The following MTCL2 variants were observed in gnomAD, a reference collection of about 807,000 sequenced individuals.
MTCL2 encodes microtubule crosslinking factor 2.
the MTCL2 span, among the ~76,000 whole-genome samples, chr20:36,806,341 C>T: frequency 1.3e-5 from 2 of 152,138 alleles, no homozygotes; most frequent in African/African-American, 4.8e-5. Context: ...GGAAATAAGA[C>T]AAAAGGGAGC....
the MTCL2 span, among the ~76,000 whole-genome samples, chr20:36,802,700 T>G: frequency 1.3e-5 from 2 of 152,196 alleles, no homozygotes; most frequent in African/African-American, 4.8e-5. Context: ...ATTCTCTAAG[T>G]GCCTGGATCC....
chr20:36,846,324 C>A, the MTCL2 span, among the ~76,000 whole-genome samples: 1 of 152,172 alleles, frequency 6.6e-6, no homozygotes, highest in Non-Finnish European at 1.5e-5. Flanking sequence ...GGGCCCCTGA[C>A]CCTCAGCCCC....
the MTCL2 span, among the ~76,000 whole-genome samples, chr20:36,821,725 G>T: frequency 6.6e-6 from 1 of 151,722 alleles, no homozygotes; most frequent in African/African-American, 2.4e-5. Flanking sequence ...CTCCAAAAAA[G>T]AAAAAAAGCA....
the MTCL2 span, chr20:36,785,710 C>T: frequency 9.1e-6 from 9 of 985,466 alleles, no homozygotes; most frequent in African/African-American, 1.7e-5. Context: ...CTATTTCTGT[C>T]CTCAAGGGGT....
the MTCL2 span, among the ~76,000 whole-genome samples, chr20:36,816,702 T>C: frequency 6.6e-6 from 1 of 152,166 alleles, no homozygotes; most frequent in Non-Finnish European, 1.5e-5. Context: ...TTGCTGCATA[T>C]AGTACTTCAT....
At chr20:36,803,128 A>T in the MTCL2 span, 1 of 1,575,826 alleles carries the variant, frequency 6.3e-7, no homozygotes, top group Non-Finnish European at 8.6e-7. Flanking sequence ...AAGCAGACTA[A>T]GCAGCTGGCA....
chr20:36,849,348 C>T, the MTCL2 span, among the ~76,000 whole-genome samples: 5 of 151,864 alleles, frequency 3.3e-5, no homozygotes, highest in African/African-American at 7.3e-5. Flanking sequence ...TGTGAGCCAC[C>T]GCACCCAGCC....
chr20:36,787,224 CTTTT>C, the MTCL2 span, among the ~76,000 whole-genome samples: 1 of 151,838 alleles, frequency 6.6e-6, no homozygotes, highest in African/African-American at 2.4e-5. Flanking sequence ...ACCCAATTCG[CTTTT>C]TTTATTTTTT....
chr20:36,834,804 C>A, the MTCL2 span, among the ~76,000 whole-genome samples: 3 of 152,052 alleles, frequency 2.0e-5, no homozygotes, highest in African/African-American at 7.2e-5. Flanking sequence ...GAGTTAGAGA[C>A]CAGCCTGGCC....
the MTCL2 span, chr20:36,808,673 C>T: frequency 1.2e-6 from 2 of 1,611,766 alleles, no homozygotes; most frequent in East Asian, 2.2e-5. Context: ...CTGCTCCAGC[C>T]TCCGCTGGAG....
chr20:36,815,266 C>A, the MTCL2 span: 2 of 1,614,012 alleles, frequency 1.2e-6, no homozygotes, highest in South Asian at 2.2e-5. The surrounding 1 kb of genome is among the most constrained non-coding windows in gnomAD (Gnocchi z 5.3). Context: ...CGCGTGAAGG[C>A]ATTCAGCTCC....
the MTCL2 span, among the ~76,000 whole-genome samples, chr20:36,857,653 C>T: frequency 6.6e-6 from 1 of 152,120 alleles, no homozygotes. Context: ...TCTCCTCCAC[C>T]CAGTGACAGA....
the MTCL2 span, among the ~76,000 whole-genome samples, chr20:36,833,308 A>G: frequency 6.6e-6 from 1 of 152,180 alleles, no homozygotes; most frequent in African/African-American, 2.4e-5. Flanking sequence ...CCTCCCAGCT[A>G]CCCTCAAGGT....
At chr20:36,836,024 T>G in the MTCL2 span, among the ~76,000 whole-genome samples, 1 of 151,698 alleles carries the variant, frequency 6.6e-6, no homozygotes, top group South Asian at 2.1e-4. Flanking sequence ...TCCTCTGAGC[T>G]TCTCCAGCTA....
the MTCL2 span, chr20:36,816,179 C>G: frequency 6.2e-7 from 1 of 1,613,672 alleles, no homozygotes; most frequent in Non-Finnish European, 8.5e-7. Context: ...CCCCATAGAG[C>G]GAGCGGTACT....
At chr20:36,836,870 C>T in the MTCL2 span, among the ~76,000 whole-genome samples, 1 of 152,104 alleles carries the variant, frequency 6.6e-6, no homozygotes, top group East Asian at 1.9e-4. Flanking sequence ...CCACAGGGGG[C>T]GCCAGCAGCT....
chr20:36,831,536 C>T, the MTCL2 span, among the ~76,000 whole-genome samples: 2 of 152,194 alleles, frequency 1.3e-5, no homozygotes, highest in Non-Finnish European at 2.9e-5. Flanking sequence ...CTGCCTGGGC[C>T]GAAGCCCAGC....
the MTCL2 span, chr20:36,862,915 C>T: frequency 7.7e-7 from 1 of 1,307,042 alleles, no homozygotes. Flanking sequence ...GCGGACTCGG[C>T]GTCGCTGCTC....
At chr20:36,822,126 A>T in the MTCL2 span, among the ~76,000 whole-genome samples, 1 of 152,256 alleles carries the variant, frequency 6.6e-6, no homozygotes, top group African/African-American at 2.4e-5. Context: ...AGGGAAAACA[A>T]GGCGGGCTCA....
Sources: allele counts gnomAD v4.1 joint callset (sites outside exome capture counted in the v4.1 genomes callset), GRCh38; gene constraint gnomAD v4.1.1; non-coding constraint Gnocchi (gnomAD v3.1); transcripts MANE v1.5; gene names NCBI Gene and HGNC (gene_info 2026-07-23, HGNC 2026-07-21).